The following ACOX3 variants were observed in gnomAD, a reference collection of about 807,000 sequenced individuals.
ACOX3 encodes acyl-CoA oxidase 3, pristanoyl, also known as peroxisomal acyl-coenzyme A oxidase 3.
In ACOX3, 73 loss-of-function variants were observed where a neutral mutation model predicts 81.5. The observed-to-expected ratio is 0.90, with a 90% CI of 0.74 to 1.09. The LOEUF is 1.09. Ranked by LOEUF, ACOX3 falls within the 50% of genes least tolerant of loss-of-function variation. The pLI, the probability that ACOX3 is intolerant of heterozygous loss-of-function variation, is 0.00. For missense variants in ACOX3, 947 were observed against 928.0 expected, an observed-to-expected ratio of 1.02 and a Z score of -0.27; for synonymous variants, 387 against 375.1, an observed-to-expected ratio of 1.03 and a Z score of -0.37.
At chr4:8,403,094 T>C (rs1021230546) in intron 7 of ACOX3, among the ~76,000 whole-genome samples, 3 of 152,226 alleles carry the variant, frequency 2.0e-5, no homozygotes, top group African/African-American at 7.2e-5. Flanking sequence ...ATTTTGCTTT[T>C]AGAGCTATTT....
Position 8,406,086 on chromosome 4 carries a change from T to C in ACOX3, c.688-43A>G, listed in dbSNP as rs1243319046. The C allele has an allele frequency of 6.3e-7, 1 of 1,586,258 alleles. No homozygotes were observed. The highest frequency in any genetic ancestry group is 1.7e-5 in the Admixed American group (1 of 59,956). ...AAGCAGCAAACAGCAACTGTTACAA[T>C]CACACAAAAATCAAAACAAATGTGT... is the stretch of plus-strand genomic sequence containing the variant. On this transcript the variant is annotated intron_variant, in intron 6 of 17. Transcript: ENST00000356406. The surrounding 1 kb of genome is among the most constrained non-coding windows in gnomAD (Gnocchi z 5.6).
intron 1 of ACOX3, among the ~76,000 whole-genome samples, chr4:8,434,229 C>T (rs370925789): frequency 6.6e-5 from 10 of 152,212 alleles, no homozygotes; most frequent in African/African-American, 2.4e-4. Context: ...ACATGGACCC[C>T]TTAAAGTTGT....
intron 14 of ACOX3, among the ~76,000 whole-genome samples, chr4:8,376,039 G>T (rs923524451): frequency 1.3e-5 from 2 of 152,128 alleles, no homozygotes; most frequent in African/African-American, 4.8e-5. Context: ...CCAGTAATGG[G>T]ATCACTGGGT....
rs1485359451 is a variant in ACOX3 at position 8,407,595 on chromosome 4, G to A, written c.688-1552C>T. 1.3e-5 allele frequency among the ~76,000 whole-genome samples: 2 copies of A among 152,226 alleles called. No homozygotes were observed. Among genetic ancestry groups the A allele is most frequent in the Non-Finnish European group, 2.9e-5 (2 of 68,042 alleles). On this transcript the variant is annotated intron_variant, in intron 6 of 17. Transcript: ENST00000356406. The surrounding 1 kb of genome is among the most constrained non-coding windows in gnomAD (Gnocchi z 4.6). ...TGTGGCAGCCATGAGAGACTAACAC[G>A]GGGGCCGGTGCTGCCGGGAGGACGT...
chr4:8,390,985 G>C (rs971668892), intron 11 of ACOX3, among the ~76,000 whole-genome samples: 2 of 152,044 alleles, frequency 1.3e-5, no homozygotes, highest in South Asian at 4.1e-4. Flanking sequence ...GGTCATATTG[G>C]TCTCAATCCC....
Position 8,370,882 on chromosome 4 carries a change from C to T in ACOX3, c.1983+26G>A. ...AATGCCCATCAACCCTTGGGGCACTCCCGTGAGGCCCTGTCCTCCCTTTAC... is the reference window on the plus strand; with the variant it reads ...AATGCCCATCAACCCTTGGGGCACTTCCGTGAGGCCCTGTCCTCCCTTTAC... On this transcript the variant is annotated intron_variant, in intron 17 of 17. Transcript: ENST00000356406. The surrounding 1 kb of genome is among the most constrained non-coding windows in gnomAD (Gnocchi z 6.3). 6.2e-7 allele frequency: 1 copy of T among 1,607,518 alleles called. No homozygotes were observed. Among genetic ancestry groups the T allele is most frequent in the Non-Finnish European group, 8.5e-7 (1 of 1,175,082 alleles).
intron 16 of ACOX3, 122 bp downstream of exon 16, chr4:8,373,439 C>T (rs768150934): frequency 1.6e-5 from 16 of 981,842 alleles, no homozygotes; most frequent in Admixed American, 4.3e-5. Context: ...TAAGGGGGTG[C>T]GTGTCAGTCT....
chr4:8,367,792 A>G (rs1715641851), intron 17 of ACOX3, among the ~76,000 whole-genome samples: 1 of 131,072 alleles, frequency 7.6e-6, no homozygotes, highest in Admixed American at 8.0e-5. Context: ...CAACACGGCG[A>G]AACCCCATCT....
chr4:8,356,715 CATG>C, the ACOX3 span: 18 of 456,192 alleles, frequency 3.9e-5, no homozygotes, highest in Non-Finnish European at 2.2e-5. Context: ...TGCACGCTAA[CATG>C]ATCCCAGCAG....
chr4:8,394,790 G>A lies in ACOX3; in HGVS notation c.1057-48C>T, dbSNP rs1200536256. 8 of 1,586,920 alleles carry A rather than the reference G, an allele frequency of 5.0e-6. 1 individual carries two copies. In the South Asian group the frequency reaches 9.0e-5, roughly 18 times the overall value. ...GTGAACACATCGTGGTTCCCATGAA[G>A]GGCAGCCCATCCCAGGGACCATGAA... On this transcript the variant is annotated intron_variant, in intron 9 of 17. Coordinates refer to ENST00000356406, the MANE Select transcript of ACOX3 (RefSeq NM_003501.3). The surrounding 1 kb of genome is among the most constrained non-coding windows in gnomAD (Gnocchi z 5.9).
In ACOX3 at chr4:8,373,433, G is replaced by A. The variant is rs574665007; in HGVS notation, c.1896+128C>T. The A allele has an allele frequency of 5.7e-5, 54 of 947,616 alleles. No individual in the cohort carries two copies. The East Asian group carries it at 1.1e-3, about 18-fold the overall frequency. The allele number at this position is 947,616 out of a possible 1,614,324, so 58.7% of individuals were successfully genotyped here. ...CGTGTAGGCTCTGGGTGACGCTAAG[G>A]GGGTGCGTGTCAGTCTGGGTGATAC... On this transcript the variant is annotated intron_variant, in intron 16 of 17. Coordinates refer to ENST00000356406, the MANE Select transcript of ACOX3 (RefSeq NM_003501.3).
At chr4:8,391,041 A>ATATGTG (rs1305547450) in intron 11 of ACOX3, among the ~76,000 whole-genome samples, 1 of 86,696 alleles carries the variant, frequency 1.2e-5, no homozygotes, top group South Asian at 3.9e-4. Flanking sequence ...GTGTATATGT[A>ATATGTG]TATGTATATG....
rs867278628 is a variant in ACOX3, at chr4:8,403,592, G to A, written c.776+2363C>T. Among the ~76,000 whole-genome samples the A allele has an allele frequency of 5.3e-5, 8 of 152,226 alleles. No homozygotes were observed. In the South Asian group the frequency reaches 1.7e-3, roughly 31 times the overall value. On this transcript the variant is annotated intron_variant, in intron 7 of 17. Coordinates refer to ENST00000356406, the MANE Select transcript of ACOX3 (RefSeq NM_003501.3). ...CTTGGTGGAGCAGCTCTGAACCAGCGTCAAAGGGCGGTCGTTATTGTGTTA... is the reference window on the plus strand; with the variant it reads ...CTTGGTGGAGCAGCTCTGAACCAGCATCAAAGGGCGGTCGTTATTGTGTTA...
Position 8,399,718 on chromosome 4 carries a change from G to C in ACOX3, c.777-66C>G, listed in dbSNP as rs1199600748. 19 of 1,459,628 alleles carry C rather than the reference G, an allele frequency of 1.3e-5. No homozygotes were observed. The highest frequency in any genetic ancestry group is 1.1e-4 in the East Asian group (5 of 43,870). The allele number at this position is 1,459,628 out of a possible 1,614,324, so 90.4% of individuals were successfully genotyped here. On this transcript the variant is annotated intron_variant, in intron 7 of 17. Transcript: ENST00000356406. The surrounding 1 kb of genome is among the most constrained non-coding windows in gnomAD (Gnocchi z 4.9). ...GCCCTGAGGCTCTTCTCTTCTCCAA[G>C]GGCAGCCTAAAAGCTGATGCAATCC...
Position 8,416,050 on chromosome 4 carries a change from T to C in ACOX3, c.145-51A>G. The C allele has an allele frequency of 6.4e-7, 1 of 1,560,598 alleles. No homozygotes were observed. The highest frequency in any genetic ancestry group is 8.8e-7 in the Non-Finnish European group (1 of 1,134,098). Reference sequence around the variant, plus strand: ...CTTATTTGGAGTAAAAGATGGACTCTCCATGTGCCCTTATATAGTTGACCT... The same window carrying C: ...CTTATTTGGAGTAAAAGATGGACTCCCCATGTGCCCTTATATAGTTGACCT... On this transcript the variant is annotated intron_variant, in intron 2 of 17. Transcript: ENST00000356406. The surrounding 1 kb of genome is among the most constrained non-coding windows in gnomAD (Gnocchi z 4.2).
At chr4:8,367,895 G>A (rs1353617608) in intron 17 of ACOX3, among the ~76,000 whole-genome samples, 6 of 151,316 alleles carry the variant, frequency 4.0e-5, no homozygotes, top group African/African-American at 1.5e-4. Context: ...GGGAGGCTGA[G>A]GTGGGAGGAT....
At chr4:8,415,136 C>T (rs927848489) in intron 3 of ACOX3, among the ~76,000 whole-genome samples, 16 of 152,190 alleles carry the variant, frequency 1.1e-4, no homozygotes, top group African/African-American at 1.4e-4. Context: ...ACAGCTGCCC[C>T]GGGTCCCTGA....
downstream of ACOX3, among the ~76,000 whole-genome samples, chr4:8,364,875 A>G (rs1442950183): frequency 6.6e-6 from 1 of 152,208 alleles, no homozygotes; most frequent in Non-Finnish European, 1.5e-5. The surrounding 1 kb of genome is among the most constrained non-coding windows in gnomAD (Gnocchi z 5.0). Flanking sequence ...TTGGGAGACA[A>G]GGACAGCTGG....
rs577912626 is a variant in ACOX3, at chr4:8,418,308, T to C, written c.-14-1773A>G. 4.6e-5 allele frequency among the ~76,000 whole-genome samples: 7 copies of C among 152,114 alleles called. No homozygotes were observed. The South Asian group carries it at 1.5e-3, about 32-fold the overall frequency. ...ATCCAGCAACATATAAAAAAGATTA[T>C]ATGTGCCAGGCATGGTGGCACATGG... On this transcript the variant is annotated intron_variant, in intron 1 of 17. Coordinates refer to ENST00000356406, the MANE Select transcript of ACOX3 (RefSeq NM_003501.3).
Sources: gnomAD v4.1 joint callset for allele counts (sites outside exome capture counted in the v4.1 genomes callset) on GRCh38, gnomAD v4.1.1 for gene constraint, Gnocchi (gnomAD v3.1) non-coding constraint, MANE v1.5 for transcripts, NCBI Gene and HGNC (gene_info 2026-07-23, HGNC 2026-07-21) for gene names.